ATRNL1: variants seen among roughly 807,000 people sequenced by gnomAD.
ATRNL1 encodes the protein attractin-like protein 1.
ATRNL1 carries 95 observed loss-of-function variants against 182.7 expected under a neutral mutation model. The observed-to-expected ratio is 0.52, with a 90% CI of 0.44 to 0.62. The LOEUF is 0.62. Among genes scored for constraint, ATRNL1 ranks in the 20% least tolerant of loss-of-function variants. The pLI is 0.00. For missense variants in ATRNL1, 1,471 were observed against 1,679.5 expected, an observed-to-expected ratio of 0.88 and a Z score of 2.17; for synonymous variants, 576 against 568.3, an observed-to-expected ratio of 1.01 and a Z score of -0.19.
At chr10:115,744,659 T>C (rs1237562129) in intron 27 of ATRNL1, among the ~76,000 whole-genome samples, 1 of 152,120 alleles carries the variant, frequency 6.6e-6, no homozygotes, top group Non-Finnish European at 1.5e-5. Flanking sequence ...AATATTTGAT[T>C]AACTATATAC....
At chr10:115,719,092 TA>T (rs1226779845) in intron 26 of ATRNL1, among the ~76,000 whole-genome samples, 2 of 152,210 alleles carry the variant, frequency 1.3e-5, no homozygotes, top group African/African-American at 4.8e-5. Context: ...TTTTATTTTT[TA>T]AAAACGATGA....
At chr10:115,303,005 G>T (rs1397983546) in intron 17 of ATRNL1, among the ~76,000 whole-genome samples, 3 of 141,344 alleles carry the variant, frequency 2.1e-5, no homozygotes, top group Non-Finnish European at 4.4e-5. Context: ...GAACAAAAAA[G>T]TAGAAAGTTT....
intron 25 of ATRNL1, among the ~76,000 whole-genome samples, chr10:115,545,443 C>A (rs781976311): frequency 6.6e-6 from 1 of 151,968 alleles, no homozygotes. Flanking sequence ...TACTGCTAAC[C>A]TAATAGGAAT....
intron 19 of ATRNL1, among the ~76,000 whole-genome samples, chr10:115,378,657 C>T (rs1366204028): frequency 6.6e-6 from 1 of 152,118 alleles, no homozygotes; most frequent in Non-Finnish European, 1.5e-5. Context: ...GGGACCTGTT[C>T]AGGATCTGCT....
intron 28 of ATRNL1, among the ~76,000 whole-genome samples, chr10:115,893,549 A>G (rs538047321): frequency 1.3e-5 from 2 of 152,282 alleles, no homozygotes; most frequent in East Asian, 1.9e-4. Context: ...CTTTTTCTTT[A>G]TATCTTGCCT....
At chr10:115,485,979 A>G (rs1306537497) in intron 24 of ATRNL1, among the ~76,000 whole-genome samples, 2 of 144,490 alleles carry the variant, frequency 1.4e-5, no homozygotes, top group African/African-American at 5.2e-5. Flanking sequence ...CCCACTTATG[A>G]GTGAGAACAT....
chr10:115,232,222 A>G (rs1414750392), intron 9 of ATRNL1, among the ~76,000 whole-genome samples: 1 of 152,150 alleles, frequency 6.6e-6, no homozygotes, highest in Non-Finnish European at 1.5e-5. Context: ...GGGGTGAATG[A>G]CAGTTCCCAT....
At chr10:115,601,796 T>C (rs961650469) in intron 26 of ATRNL1, among the ~76,000 whole-genome samples, 2 of 152,192 alleles carry the variant, frequency 1.3e-5, no homozygotes, top group African/African-American at 2.4e-5. Context: ...TGTAACTCTT[T>C]CGTTATTCCA....
chr10:115,606,990 G>A (rs947694948), intron 26 of ATRNL1, among the ~76,000 whole-genome samples: 1 of 151,902 alleles, frequency 6.6e-6, no homozygotes, highest in Non-Finnish European at 1.5e-5. Context: ...GAGGGACATT[G>A]TCTTCTTGCA....
intron 8 of ATRNL1, among the ~76,000 whole-genome samples, chr10:115,173,890 C>T (rs1468906966): frequency 4.7e-5 from 7 of 148,506 alleles, no homozygotes; most frequent in Non-Finnish European, 8.9e-5. Flanking sequence ...TTGAATTTTG[C>T]TTTGTGATTC....
chr10:115,321,079 G>GT (rs1283639770), intron 18 of ATRNL1, among the ~76,000 whole-genome samples: 4 of 152,148 alleles, frequency 2.6e-5, no homozygotes, highest in Admixed American at 1.3e-4. Context: ...CTTGGATAGG[G>GT]TTTTTTGTGG....
chr10:115,669,007 G>A (rs1453384324), intron 26 of ATRNL1, among the ~76,000 whole-genome samples: 1 of 152,034 alleles, frequency 6.6e-6, no homozygotes, highest in Non-Finnish European at 1.5e-5. Context: ...GCTTCGTATT[G>A]TAGAAGGAAG....
chr10:115,175,484 A>C (rs959389731), intron 8 of ATRNL1, among the ~76,000 whole-genome samples: 1 of 152,086 alleles, frequency 6.6e-6, no homozygotes, highest in African/African-American at 2.4e-5. Context: ...CAACCAAAAT[A>C]CTATGTCTAA....
intron 24 of ATRNL1, among the ~76,000 whole-genome samples, chr10:115,507,942 T>A (rs539731856): frequency 8.5e-5 from 13 of 152,132 alleles, no homozygotes; most frequent in Non-Finnish European, 1.5e-4. Context: ...ACTGCTGGTA[T>A]AGGCATACCT....
At chr10:115,405,883 C>A in intron 20 of ATRNL1, among the ~76,000 whole-genome samples, 1 of 141,204 alleles carries the variant, frequency 7.1e-6, no homozygotes, top group Non-Finnish European at 1.5e-5. Flanking sequence ...TGATGTCCCC[C>A]TTCCTGTGTC....
rs538766275 is a variant in ATRNL1 at position 115,391,791 on chromosome 10, G to GT, written c.3176-2858dup. ...ATCTTCCTAACATCACTCCTCTAGA[G>GT]TTTTTTTTTTAATCCAGATATATGG... is the stretch of plus-strand genomic sequence containing the variant. On this transcript the variant is annotated intron_variant, in intron 19 of 28. Coordinates refer to ENST00000355044, the MANE Select transcript of ATRNL1 (RefSeq NM_207303.4). 2.8e-3 allele frequency among the ~76,000 whole-genome samples: 410 copies of GT among 147,974 alleles called. 3 individuals carry two copies. The highest frequency in any genetic ancestry group is 0.024 in the South Asian group (110 of 4,648).
intron 3 of ATRNL1, among the ~76,000 whole-genome samples, chr10:115,123,863 G>A (rs1443193470): frequency 2.6e-5 from 4 of 151,886 alleles, no homozygotes; most frequent in Non-Finnish European, 5.9e-5. Flanking sequence ...ACTGTGAACT[G>A]TGCATGTGAG....
At position 115,612,108 on chromosome 10, in the gene ATRNL1, C is replaced by T. The variant is rs557712350; in HGVS notation, c.3795+62572C>T. On this transcript the variant is annotated intron_variant, in intron 26 of 28. Coordinates refer to ENST00000355044, the MANE Select transcript of ATRNL1 (RefSeq NM_207303.4). ...TCTACTAAAAATACAAAAACTTAAC[C>T]GGGTGTTGTGGCGGACGCCTGTAAT... 6.6e-5 allele frequency among the ~76,000 whole-genome samples: 10 copies of T among 152,046 alleles called. No homozygotes were observed. The South Asian group carries it at 2.1e-3, about 32-fold the overall frequency.
At chr10:115,374,453 TTTCCTTCCTTCCTTCC>T (rs149427595) in intron 19 of ATRNL1, among the ~76,000 whole-genome samples, 5 of 135,798 alleles carry the variant, frequency 3.7e-5, no homozygotes, top group East Asian at 4.1e-4. Context: ...CCTTCCTTCC[TTTCCTTCCTTCCTTCC>T]TTCCTTCCTT....
Sources: allele counts gnomAD v4.1 joint callset (sites outside exome capture counted in the v4.1 genomes callset), GRCh38; gene constraint gnomAD v4.1.1; transcripts MANE v1.5; gene names NCBI Gene and HGNC (gene_info 2026-07-23, HGNC 2026-07-21).